The following CDADC1 variants were observed in gnomAD, a reference collection of about 807,000 sequenced individuals.
The protein encoded by CDADC1 is cytidine and dCMP deaminase domain containing 1.
CDADC1 carries 39 observed loss-of-function variants against 54.9 expected under a neutral mutation model. The observed-to-expected ratio is 0.71, with a 90% CI of 0.55 to 0.93. The LOEUF (loss-of-function observed/expected upper bound fraction) is 0.93. Among genes scored for constraint, CDADC1 ranks in the 40% least tolerant of loss-of-function variants. CDADC1 has a pLI of 0.00. For missense variants in CDADC1, 518 were observed against 618.8 expected, an observed-to-expected ratio of 0.84 and a Z score of 1.73; for synonymous variants, 186 against 204.0, an observed-to-expected ratio of 0.91 and a Z score of 0.75.
chr13:49,263,892 C>T (rs1344991262), intron 4 of CDADC1, among the ~76,000 whole-genome samples: 1 of 152,194 alleles, frequency 6.6e-6, no homozygotes, highest in Non-Finnish European at 1.5e-5. Context: ...GAGCGAAGAC[C>T]TGTTAAAGTT....
rs370479299 is a variant in CDADC1 at position 49,252,944 on chromosome 13, A to G, written c.178-2895A>G. Among the ~76,000 whole-genome samples, 142 of 152,296 alleles carry G rather than the reference A, an allele frequency of 9.3e-4. 1 individual carries two copies. Among genetic ancestry groups the G allele is most frequent in the Middle Eastern group, 3.4e-3 (1 of 294 alleles). On this transcript the variant is annotated intron_variant, in intron 2 of 9. Coordinates refer to ENST00000251108, the MANE Select transcript of CDADC1 (RefSeq NM_030911.4). ...AAAATGTTGCCCAATTTTGTGCCTA[A>G]TATTTCTTTACCATTTACTATAGTA... is the stretch of plus-strand genomic sequence containing the variant.
chr13:49,274,632 C>G (rs1055385209), intron 6 of CDADC1, among the ~76,000 whole-genome samples: 1 of 151,814 alleles, frequency 6.6e-6, no homozygotes, highest in Non-Finnish European at 1.5e-5. Flanking sequence ...GATCGTGCCA[C>G]TGCACTCCAG....
chr13:49,287,080 A>G (rs1402066211), intron 9 of CDADC1, among the ~76,000 whole-genome samples: 1 of 152,338 alleles, frequency 6.6e-6, no homozygotes, highest in African/African-American at 2.4e-5. Context: ...AATCCCAGCT[A>G]CTTGGGAGTT....
At chr13:49,256,117 C>G (rs1952541920) in intron 3 of CDADC1, among the ~76,000 whole-genome samples, 4 of 146,654 alleles carry the variant, frequency 2.7e-5, no homozygotes, top group African/African-American at 1.0e-4. Flanking sequence ...TATGCTACAT[C>G]CTACATCTTG....
intron 2 of CDADC1, among the ~76,000 whole-genome samples, chr13:49,254,322 G>A (rs1393159326): frequency 6.7e-6 from 1 of 150,348 alleles, no homozygotes; most frequent in Non-Finnish European, 1.5e-5. Context: ...TCCAGCACTT[G>A]TTTCATAAGA....
intron 4 of CDADC1, among the ~76,000 whole-genome samples, chr13:49,266,648 A>C (rs1952822941): frequency 6.6e-6 from 1 of 152,206 alleles, no homozygotes; most frequent in Non-Finnish European, 1.5e-5. Flanking sequence ...GAGGACCATA[A>C]TTAATTCAAC....
At chr13:49,274,084 T>A (rs1420899187) in intron 5 of CDADC1, among the ~76,000 whole-genome samples, 1 of 152,208 alleles carries the variant, frequency 6.6e-6, no homozygotes, top group Non-Finnish European at 1.5e-5. Context: ...TGGTAGTGAC[T>A]CTCTCTAGTT....
At chr13:49,286,138 T>TTCTTCC in intron 8 of CDADC1, 84 bp from the exon 9 acceptor site, 1 of 1,122,114 alleles carries the variant, frequency 8.9e-7, no homozygotes, top group South Asian at 1.3e-5. Context: ...TTTAAGAAGT[T>TTCTTCC]GTTTTGATAT....
chr13:49,284,987 T>A (rs1953464145), intron 8 of CDADC1, among the ~76,000 whole-genome samples: 1 of 152,184 alleles, frequency 6.6e-6, no homozygotes, highest in Admixed American at 6.5e-5. Flanking sequence ...GCCCCAATAT[T>A]CTATGTAATA....
intron 7 of CDADC1, among the ~76,000 whole-genome samples, chr13:49,279,631 T>A (rs1398626762): frequency 6.6e-6 from 1 of 152,114 alleles, no homozygotes; most frequent in Non-Finnish European, 1.5e-5. Flanking sequence ...CGCTATAGAT[T>A]ATGTAGGTAG....
rs115511705 is a variant in CDADC1 at position 49,248,579 on chromosome 13, C to A, written c.83-292C>A. On this transcript the variant is annotated intron_variant, in intron 1 of 9. Coordinates refer to ENST00000251108, the MANE Select transcript of CDADC1 (RefSeq NM_030911.4). ...CGACGTCAGATGCGAAGACTTTTCACAGCTTGCTTTGGGTTGTCCCCCTCA... is the reference window on the plus strand; with the variant it reads ...CGACGTCAGATGCGAAGACTTTTCAAAGCTTGCTTTGGGTTGTCCCCCTCA... The A allele has an allele frequency of 9.6e-4, 345 of 360,316 alleles. 1 individual carries two copies. The highest frequency in any genetic ancestry group is 6.7e-3 in the African/African-American group (328 of 48,838). The allele number at this position is 360,316 out of a possible 1,614,324, so 22.3% of individuals were successfully genotyped here. A position where few individuals can be genotyped will look rare whatever the true frequency, so the allele number is the denominator to read the frequency against.
chr13:49,264,541 G>T (rs547270163), intron 4 of CDADC1, among the ~76,000 whole-genome samples: 17 of 119,594 alleles, frequency 1.4e-4, no homozygotes, highest in African/African-American at 5.6e-4. Flanking sequence ...AACATAGCGA[G>T]ACCCCATCTC....
intron 2 of CDADC1, among the ~76,000 whole-genome samples, chr13:49,255,144 T>G: frequency 6.6e-6 from 1 of 152,206 alleles, no homozygotes; most frequent in East Asian, 1.9e-4. Context: ...CTGTGGAGAT[T>G]GTCTGTTTTC....
chr13:49,276,718 C>A (rs1404296058), intron 6 of CDADC1, among the ~76,000 whole-genome samples: 1 of 152,220 alleles, frequency 6.6e-6, no homozygotes, highest in East Asian at 1.9e-4. Context: ...CCTCAGCACT[C>A]TGTACAACTT....
intron 2 of CDADC1, 124 bp downstream of exon 2, chr13:49,249,089 TATTG>T (rs1952362868): frequency 1.6e-6 from 1 of 643,488 alleles, no homozygotes; most frequent in Non-Finnish European, 2.8e-6. Context: ...AAAATATCTT[TATTG>T]ATTAACATGA....
chr13:49,261,538 T>C (rs890554450), intron 4 of CDADC1, among the ~76,000 whole-genome samples: 2 of 152,202 alleles, frequency 1.3e-5, no homozygotes, highest in African/African-American at 4.8e-5. Context: ...AAATTTTTGT[T>C]GTTATTGCTG....
chr13:49,248,182 C>A, intron 1 of CDADC1, 63 bp downstream of exon 1: 1 of 1,352,588 alleles, frequency 7.4e-7, no homozygotes, highest in Non-Finnish European at 1.0e-6. Flanking sequence ...CGTCTCCCGT[C>A]ATTGAACTCC....
chr13:49,273,989 G>T (rs565578153), intron 5 of CDADC1, among the ~76,000 whole-genome samples: 22 of 152,274 alleles, frequency 1.4e-4, no homozygotes, highest in African/African-American at 5.3e-4. Context: ...CAATGAAGTT[G>T]CACTTAGTTC....
At position 49,267,924 on chromosome 13, in the gene CDADC1, A is replaced by G. The variant is rs766462837; in HGVS notation, c.865A>G (p.Ser289Gly). ...CCTACTTTTGGCCACAGTAGCTTCC[A>G]GTGTGCCGAACTTTAAACACTTCGG... Reference protein sequence around the residue: ...LILLLATVASSVPNFKHFGFY... With the variant: ...LILLLATVASGVPNFKHFGFY... The change falls in exon 5 of 10, where the codon AGT becomes GGT. Residue 289 changes from serine to glycine, a missense_variant. Ser to Gly is a moderately conservative substitution (Grantham distance 56). Transcript: ENST00000251108. 1 of 1,614,196 alleles carries G rather than the reference A, an allele frequency of 6.2e-7. No individual in the cohort carries two copies. Among genetic ancestry groups the G allele is most frequent in the Non-Finnish European group, 8.5e-7 (1 of 1,180,020 alleles).
Sources: allele counts gnomAD v4.1 joint callset (sites outside exome capture counted in the v4.1 genomes callset), GRCh38; gene constraint gnomAD v4.1.1; transcripts MANE v1.5; gene names NCBI Gene and HGNC (gene_info 2026-07-23, HGNC 2026-07-21).